The following HAT1 variants were observed in gnomAD, a reference collection of about 807,000 sequenced individuals.
HAT1 encodes histone acetyltransferase type B catalytic subunit.
HAT1 carries 20 observed loss-of-function variants against 56.6 expected under a neutral mutation model. The ratio of observed to expected loss-of-function variants is 0.35; its 90% CI spans 0.25 to 0.51. The LOEUF (loss-of-function observed/expected upper bound fraction) is 0.51, where lower values mean the gene tolerates loss of function less well. Ranked by LOEUF, HAT1 falls within the 20% of genes least tolerant of loss-of-function variation. The probability of loss-of-function intolerance (pLI) is 0.95; values close to 1 mark genes in which losing one functional copy is unlikely to be tolerated. For synonymous variants in HAT1, 146 were observed against 165.5 expected (o/e 0.88, Z 0.91); for missense variants, 408 against 504.3 (o/e 0.81, Z 1.83).
intron 10 of HAT1, among the ~76,000 whole-genome samples, chr2:171,981,126 C>T (rs1401165477): frequency 2.6e-5 from 4 of 151,580 alleles, no homozygotes; most frequent in African/African-American, 9.7e-5. Flanking sequence ...GCCAAGATTG[C>T]GCCATTGTAC....
chr2:171,975,151 C>A (rs1687928313), intron 8 of HAT1, among the ~76,000 whole-genome samples: 1 of 150,338 alleles, frequency 6.7e-6, no homozygotes, highest in Non-Finnish European at 1.5e-5. Context: ...GTTGCCCAGG[C>A]AGGAGTGCAG....
intron 3 of HAT1, among the ~76,000 whole-genome samples, chr2:171,950,975 A>G (rs1687293080): frequency 6.7e-6 from 1 of 149,348 alleles, no homozygotes; most frequent in Admixed American, 6.7e-5. Context: ...ATGCCCAGCT[A>G]ATTTTTGTTA....
At chr2:171,953,513 A>T (rs1478367593) in intron 4 of HAT1, among the ~76,000 whole-genome samples, 1 of 151,364 alleles carries the variant, frequency 6.6e-6, no homozygotes, top group African/African-American at 2.4e-5. Context: ...ACCCTCAGCT[A>T]CTTGGGAGGC....
intron 2 of HAT1, 43 bp downstream of exon 2, chr2:171,925,684 G>A: frequency 2.5e-6 from 2 of 794,286 alleles, no homozygotes; most frequent in Non-Finnish European, 4.4e-6. Flanking sequence ...CATACTGTGT[G>A]TGTATATATA....
chr2:171,927,451 A>C (rs1453963695), intron 2 of HAT1, among the ~76,000 whole-genome samples: 1 of 152,052 alleles, frequency 6.6e-6, no homozygotes, highest in Non-Finnish European at 1.5e-5. Flanking sequence ...TATTTTTTTT[A>C]CATGTCCCCT....
At chr2:171,965,169 C>A in intron 4 of HAT1, 169 bp from the exon 5 acceptor site, 1 of 569,238 alleles carries the variant, frequency 1.8e-6, no homozygotes, top group East Asian at 2.9e-5. Flanking sequence ...TTGTGTGATG[C>A]AGTTTGTGCA....
intron 3 of HAT1, among the ~76,000 whole-genome samples, chr2:171,947,310 A>C (rs1037678389): frequency 3.3e-5 from 5 of 152,140 alleles, no homozygotes; most frequent in African/African-American, 1.2e-4. Context: ...GCTGGAGTGC[A>C]GTAGTGTGAT....
chr2:171,932,935 C>T (rs571391760), intron 2 of HAT1, among the ~76,000 whole-genome samples: 6 of 152,154 alleles, frequency 3.9e-5, no homozygotes, highest in Non-Finnish European at 8.8e-5. Flanking sequence ...TTCTTTTTCT[C>T]TTTGTCTTTT....
intron 2 of HAT1, among the ~76,000 whole-genome samples, chr2:171,930,032 C>T (rs1474096431): frequency 6.6e-6 from 1 of 152,116 alleles, no homozygotes; most frequent in Non-Finnish European, 1.5e-5. Context: ...AACATTGAGC[C>T]TTCCAGTATA....
intron 6 of HAT1, 86 bp downstream of exon 6, chr2:171,965,994 T>C (rs1558976112): frequency 1.6e-5 from 18 of 1,155,234 alleles, no homozygotes; most frequent in Non-Finnish European, 2.2e-5. Flanking sequence ...ATTGGGACAG[T>C]ATAATGATAT....
chr2:171,979,257 G>C lies in HAT1; in HGVS notation c.986G>C (p.Arg329Thr), dbSNP rs1196049519. Reference sequence around the variant, plus strand: ...TTTGTTTCATTCTAGCAACACGCTAGAAGGGTTTATGAAATTCTTCGACTA... The same window carrying C: ...TTTGTTTCATTCTAGCAACACGCTACAAGGGTTTATGAAATTCTTCGACTA... Reference protein sequence around the residue: ...QKFKINKQHARRVYEILRLLV... With the variant: ...QKFKINKQHATRVYEILRLLV... The change falls in exon 10 of 11, where the codon AGA becomes ACA. Residue 329 changes from arginine (R) to threonine (T), a missense_variant. Transcript: ENST00000264108. 6.5e-6 allele frequency: 10 copies of C among 1,541,966 alleles called. No homozygotes were observed. The highest frequency in any genetic ancestry group is 8.9e-6 in the Non-Finnish European group (10 of 1,128,390).
intron 2 of HAT1, among the ~76,000 whole-genome samples, chr2:171,931,685 A>G (rs1574034539): frequency 6.6e-6 from 1 of 152,080 alleles, no homozygotes; most frequent in African/African-American, 2.4e-5. Context: ...GGGGGGAAAA[A>G]CAGCCATATA....
intron 3 of HAT1, among the ~76,000 whole-genome samples, chr2:171,952,417 G>T (rs755205159): frequency 7.2e-5 from 11 of 152,176 alleles, no homozygotes; most frequent in Non-Finnish European, 1.6e-4. Context: ...ATGTAGTAAG[G>T]CAGGTGCTAT....
chr2:171,943,409 T>TC (rs1687076451), intron 2 of HAT1, among the ~76,000 whole-genome samples: 1 of 2,912 alleles, frequency 3.4e-4, no homozygotes. Context: ...AGACTCTGTC[T>TC]CAAAAAAAAA....
intron 1 of HAT1, among the ~76,000 whole-genome samples, chr2:171,925,198 A>AAGT (rs1686555778): frequency 6.7e-6 from 1 of 149,542 alleles, no homozygotes; most frequent in African/African-American, 2.5e-5. Context: ...TCAGCCTCCC[A>AAGT]AGTAGCTGGG....
intron 2 of HAT1, among the ~76,000 whole-genome samples, chr2:171,930,676 G>C (rs898261887): frequency 1.3e-5 from 2 of 152,088 alleles, no homozygotes; most frequent in African/African-American, 4.8e-5. Flanking sequence ...GTAGAGTGGC[G>C]TGATTGTGGC....
At chr2:171,930,685 G>A (rs776217914) in intron 2 of HAT1, among the ~76,000 whole-genome samples, 8 of 152,066 alleles carry the variant, frequency 5.3e-5, no homozygotes, top group Non-Finnish European at 8.8e-5. Context: ...CGTGATTGTG[G>A]CTCACTATAG....
At chr2:171,953,659 A>G (rs1687369748) in intron 4 of HAT1, among the ~76,000 whole-genome samples, 1 of 146,886 alleles carries the variant, frequency 6.8e-6, no homozygotes, top group South Asian at 2.1e-4. Context: ...AAAAAAATTA[A>G]GGTTTGAGGG....
chr2:171,942,629 C>G (rs762829213), intron 2 of HAT1, among the ~76,000 whole-genome samples: 2 of 152,102 alleles, frequency 1.3e-5, no homozygotes. Flanking sequence ...CTTATAAAGA[C>G]TTGAAAATAT....
Sources: gnomAD v4.1 joint callset for allele counts (sites outside exome capture counted in the v4.1 genomes callset) on GRCh38, gnomAD v4.1.1 for gene constraint, MANE v1.5 for transcripts, NCBI Gene and HGNC (gene_info 2026-07-23, HGNC 2026-07-21) for gene names.